The following RARS2 variants were observed in gnomAD, a reference collection of about 807,000 sequenced individuals.
RARS2 encodes the protein arginyl-tRNA synthetase 2, mitochondrial, also known as probable arginine--tRNA ligase, mitochondrial.
A neutral mutation model predicts 88.5 loss-of-function variants in RARS2; 67 were observed. The ratio of observed to expected loss-of-function variants is 0.76; its 90% CI spans 0.62 to 0.93. The LOEUF (loss-of-function observed/expected upper bound fraction) is 0.93, where lower values mean the gene tolerates loss of function less well. RARS2 is among the 40% of genes least tolerant of loss of function. The pLI is 0.00. For synonymous variants in RARS2, 239 were observed against 230.3 expected (o/e 1.04, Z -0.34); for missense variants, 664 against 684.2 (o/e 0.97, Z 0.33).
rs775353399 is a variant in RARS2, at chr6:87,589,907, C to T, written c.36+15G>A. On this transcript the variant is annotated intron_variant, in intron 1 of 19. Transcript: ENST00000369536. ...AGCTCCTCAGGGACTCCTCTGCGCG[C>T]TCCGGGATCCATACCTGGCAAGCAA... is the stretch of plus-strand genomic sequence containing the variant. The T allele has an allele frequency of 1.2e-6, 2 of 1,614,238 alleles. No individual in the cohort carries two copies. The highest frequency in any genetic ancestry group is 1.1e-5 in the South Asian group (1 of 91,092).
At chr6:87,576,592 T>A (rs903128585) in intron 1 of RARS2, among the ~76,000 whole-genome samples, 1 of 152,012 alleles carries the variant, frequency 6.6e-6, no homozygotes, top group Admixed American at 6.6e-5. Flanking sequence ...AATTTCAAGA[T>A]AGACATTACC....
chr6:87,526,895 T>C (rs1304847890), intron 10 of RARS2, among the ~76,000 whole-genome samples: 1 of 151,904 alleles, frequency 6.6e-6, no homozygotes, highest in Non-Finnish European at 1.5e-5. Context: ...GGTCTTGAAC[T>C]CCCAACCTCA....
intron 10 of RARS2, among the ~76,000 whole-genome samples, chr6:87,527,999 A>G (rs986733057): frequency 2.6e-5 from 4 of 151,954 alleles, no homozygotes; most frequent in Admixed American, 2.0e-4. Context: ...GGTGCAGCAA[A>G]TCACCATGGC....
At chr6:87,547,252 T>C (rs1419005234) in intron 6 of RARS2, among the ~76,000 whole-genome samples, 2 of 152,254 alleles carry the variant, frequency 1.3e-5, no homozygotes, top group African/African-American at 4.8e-5. Context: ...CTTACTCATA[T>C]AGCTTTTTTT....
rs773908918 is a variant in RARS2 at position 87,530,805 on chromosome 6, T to C, written c.750A>G (p.Glu250=). Residue 250 remains glutamate (E), a synonymous_variant, in exon 9 of 20, where the codon GAA becomes GAG. Transcript: ENST00000369536. ...LWQKFRDLSI[E]EYIRVYKRLG... ...ATACCTTGTAAACCCGAATGTACTC[T>C]TCAATGCTCAAGTCCCGAAATTTTT... 2 of 1,614,188 alleles carry C rather than the reference T, an allele frequency of 1.2e-6. No homozygotes were observed. The highest frequency in any genetic ancestry group is 1.7e-5 in the Admixed American group (1 of 60,024).
chr6:87,522,068 C>T (rs577226281), intron 11 of RARS2, among the ~76,000 whole-genome samples: 8 of 152,288 alleles, frequency 5.3e-5, no homozygotes, highest in South Asian at 4.1e-4. Context: ...TGGCGGCTCA[C>T]GCCTGTAATC....
chr6:87,587,892 T>C (rs1432343692), intron 1 of RARS2, among the ~76,000 whole-genome samples: 1 of 152,190 alleles, frequency 6.6e-6, no homozygotes, highest in East Asian at 1.9e-4. Context: ...CACCTCAGCT[T>C]CCCAAGCAGC....
intron 18 of RARS2, among the ~76,000 whole-genome samples, chr6:87,516,476 A>C (rs957817880): frequency 6.6e-6 from 1 of 152,134 alleles, no homozygotes; most frequent in South Asian, 2.1e-4. Flanking sequence ...CTTCTGATTA[A>C]TATCTCCTTT....
chr6:87,581,652 T>C (rs1360935412), intron 1 of RARS2, among the ~76,000 whole-genome samples: 2 of 152,192 alleles, frequency 1.3e-5, no homozygotes, highest in Non-Finnish European at 2.9e-5. Context: ...GCAGGTTACA[T>C]AGACAAATGT....
chr6:87,587,811 C>A (rs1274097967), intron 1 of RARS2, among the ~76,000 whole-genome samples: 1 of 152,062 alleles, frequency 6.6e-6, no homozygotes, highest in Non-Finnish European at 1.5e-5. Flanking sequence ...CTCACTTTGT[C>A]CCCCAGGCTG....
chr6:87,529,051 T>G (rs1400792991), intron 10 of RARS2, among the ~76,000 whole-genome samples: 1 of 152,102 alleles, frequency 6.6e-6, no homozygotes, highest in African/African-American at 2.4e-5. Context: ...GAAAACAGAA[T>G]TCTAGGAGGG....
rs1772889786 is a variant in RARS2, at chr6:87,519,177, A to AT, written c.1238-287_1238-286insA. ...ATATGTATGTGTGTATATATATATA[A>AT]ATATATATGTGTGTGTGTGTGTGTG... On this transcript the variant is annotated intron_variant, in intron 14 of 19. Transcript: ENST00000369536. 130 of 208,320 alleles carry AT rather than the reference A, an allele frequency of 6.2e-4. 2 individuals are homozygous for AT. The highest frequency in any genetic ancestry group is 5.9e-3 in the South Asian group (127 of 21,520). The allele number at this position is 208,320 out of a possible 1,614,324, so 12.9% of individuals were successfully genotyped here.
Position 87,519,694 on chromosome 6 carries a change from G to C in RARS2, c.1126C>G (p.Pro376Ala). 1 of 1,613,930 alleles carries C rather than the reference G, an allele frequency of 6.2e-7. No homozygotes were observed. Among genetic ancestry groups the C allele is most frequent in the Middle Eastern group, 1.6e-4 (1 of 6,062 alleles). ...YDWAERCQHV[P>A]FGVVQGMKTR... ...TTCATTCCCTGTACTACTCCAAAGG[G>C]CACGTGCTGGCACCTAAAAGAGTGG... The change falls in exon 14 of 20, where the codon CCC becomes GCC. Residue 376 changes from proline (P) to alanine (A), a missense_variant. Pro to Ala is a conservative substitution (Grantham distance 27). Coordinates refer to ENST00000369536, the MANE Select transcript of RARS2 (RefSeq NM_020320.5).
intron 18 of RARS2, among the ~76,000 whole-genome samples, chr6:87,515,671 A>G (rs1171621597): frequency 6.6e-6 from 1 of 152,102 alleles, no homozygotes; most frequent in East Asian, 1.9e-4. Context: ...GAAACTATCC[A>G]CTCTCCACAC....
chr6:87,528,045 T>A lies in RARS2; in HGVS notation c.878+1497A>T, dbSNP rs527747856. Reference sequence around the variant, plus strand: ...CTACGTAACAAATCTGCACATCCTGTACATTTGCCTGGGAACATAAAAAAA... The same window carrying A: ...CTACGTAACAAATCTGCACATCCTGAACATTTGCCTGGGAACATAAAAAAA... On this transcript the variant is annotated intron_variant, in intron 10 of 19. Coordinates refer to ENST00000369536, the MANE Select transcript of RARS2 (RefSeq NM_020320.5). Among the ~76,000 whole-genome samples, 4 of 141,388 alleles carry A rather than the reference T, an allele frequency of 2.8e-5. No homozygotes were observed. The South Asian group carries it at 9.3e-4, about 33-fold the overall frequency. 92.8% of individuals were successfully genotyped at this position (141,388 alleles called of 152,430 possible).
rs1290851430 is a variant in RARS2, at chr6:87,545,613, T to C, written c.535+3A>G. The C allele has an allele frequency of 6.2e-7, 1 of 1,613,704 alleles. No homozygotes were observed. Among genetic ancestry groups the C allele is most frequent in the East Asian group, 2.2e-5 (1 of 44,802 alleles). ...TGAAAAATAAAATCTCAAGTGTACT[T>C]ACCAAACTGCATGCCCCAATCGCCA... On this transcript the variant is annotated splice_donor_region_variant and intron_variant, in intron 7 of 19. Transcript: ENST00000369536.
intron 2 of RARS2, among the ~76,000 whole-genome samples, chr6:87,567,759 C>T (rs1768350337): frequency 2.0e-5 from 3 of 152,136 alleles, no homozygotes; most frequent in Admixed American, 2.0e-4. Context: ...GAGGCCCTCC[C>T]CAATATTTAA....
At chr6:87,544,049 T>C (rs185714307) in intron 7 of RARS2, among the ~76,000 whole-genome samples, 194 of 152,324 alleles carry the variant, frequency 1.3e-3, no homozygotes, top group African/African-American at 3.9e-3. Context: ...ATGGTTATAA[T>C]GGAAATGCTG....
intron 1 of RARS2, among the ~76,000 whole-genome samples, chr6:87,588,023 C>T (rs540296390): frequency 6.6e-6 from 1 of 152,296 alleles, no homozygotes; most frequent in East Asian, 1.9e-4. Flanking sequence ...ATCCTCCCAC[C>T]TCGGCCTCTC....
Sources: gnomAD v4.1 joint callset for allele counts (sites outside exome capture counted in the v4.1 genomes callset) on GRCh38, gnomAD v4.1.1 for gene constraint, MANE v1.5 for transcripts, NCBI Gene and HGNC (gene_info 2026-07-23, HGNC 2026-07-21) for gene names.